Variants in DNAH11 observed in about 807,000 individuals in gnomAD.
DNAH11 encodes axonemal beta dynein heavy chain 11.
In DNAH11, 442 loss-of-function variants were observed where a neutral mutation model predicts 526.0. The ratio of observed to expected loss-of-function variants is 0.84; its 90% CI spans 0.78 to 0.91. The LOEUF (loss-of-function observed/expected upper bound fraction) is 0.91, where lower values mean the gene tolerates loss of function less well. DNAH11 is among the 40% of genes least tolerant of loss of function. The probability of loss-of-function intolerance (pLI) is 0.00; values close to 1 mark genes in which losing one functional copy is unlikely to be tolerated. For synonymous variants in DNAH11, 2,461 were observed against 1,935.9 expected, an observed-to-expected ratio of 1.27 and a Z score of -7.12; for missense variants, 6,989 against 5,448.7, an observed-to-expected ratio of 1.28 and a Z score of -8.90.
chr7:21,818,277 C>A lies in DNAH11; in HGVS notation c.10629C>A (p.Leu3543=). ...AFGDVILIEN[L]EETIDPVLDP... is the part of the protein sequence containing the mutation. The stretch of plus-strand genomic sequence containing the variant: ...GTGATGTCATCTTAATTGAAAATCT[C>A]GAGGAAACGATAGATCCAGTCCTGG... The change falls in exon 65 of 82, where the codon CTC becomes CTA. Residue 3543 remains leucine (L), a synonymous_variant. Transcript: ENST00000409508. 1 of 1,611,702 alleles carries A rather than the reference C, an allele frequency of 6.2e-7. No homozygotes were observed. The highest frequency in any genetic ancestry group is 2.2e-5 in the East Asian group (1 of 44,762).
chr7:21,800,813 A>G lies in DNAH11; in HGVS notation c.10027-324A>G, dbSNP rs7793755. Among the ~76,000 whole-genome samples the G allele has an allele frequency of 0.014, 2,143 of 152,256 alleles. 40 individuals are homozygous for G. Among genetic ancestry groups the G allele is most frequent in the African/African-American group, 0.049 (2,039 of 41,560 alleles). Reference sequence around the variant, plus strand: ...GAGGATGAGGCTTGGGTGCAAGAGCAGAGGGGGATGATAGTGCACCCACGG... The same window carrying G: ...GAGGATGAGGCTTGGGTGCAAGAGCGGAGGGGGATGATAGTGCACCCACGG... On this transcript the variant is annotated intron_variant, in intron 61 of 81. Transcript: ENST00000409508.
intron 14 of DNAH11, among the ~76,000 whole-genome samples, chr7:21,595,252 A>T (rs751610231): frequency 9.2e-4 from 140 of 152,318 alleles, no homozygotes; most frequent in Middle Eastern, 3.4e-3. Context: ...CAGTACTTTC[A>T]TTCATGAAGG....
chr7:21,651,364 A>T (rs919600757), intron 28 of DNAH11, among the ~76,000 whole-genome samples: 1 of 151,662 alleles, frequency 6.6e-6, no homozygotes, highest in East Asian at 1.9e-4. Flanking sequence ...TTTATTTTTT[A>T]TTTATTTATT....
intron 66 of DNAH11, among the ~76,000 whole-genome samples, chr7:21,852,234 G>A (rs554678481): frequency 2.5e-4 from 38 of 151,754 alleles, no homozygotes; most frequent in African/African-American, 4.6e-4. Flanking sequence ...GTGAAACCCC[G>A]TCTCTACTAA....
At chr7:21,592,901 G>A (rs938455831) in intron 14 of DNAH11, among the ~76,000 whole-genome samples, 4 of 152,122 alleles carry the variant, frequency 2.6e-5, no homozygotes, top group African/African-American at 7.2e-5. Flanking sequence ...AAGGAGGTTT[G>A]GTTTTGGACA....
intron 65 of DNAH11, among the ~76,000 whole-genome samples, chr7:21,819,981 G>A (rs1173435103): frequency 6.6e-6 from 1 of 152,176 alleles, no homozygotes; most frequent in African/African-American, 2.4e-5. Context: ...GTAACAAATG[G>A]TGCTGATTGC....
intron 14 of DNAH11, among the ~76,000 whole-genome samples, chr7:21,598,358 A>G (rs60223493): frequency 0.46 from 69,361 of 151,852 alleles, 16,743 homozygotes; most frequent in East Asian, 0.8. Context: ...CTGTGTCTCT[A>G]GGCAAGCACA....
At chr7:21,862,297 T>C (rs1339486846) in intron 69 of DNAH11, among the ~76,000 whole-genome samples, 3 of 151,912 alleles carry the variant, frequency 2.0e-5, no homozygotes, top group African/African-American at 7.3e-5. Context: ...AAAATATTCA[T>C]AAGACATTCT....
intron 5 of DNAH11, among the ~76,000 whole-genome samples, chr7:21,562,501 C>G (rs555579054): frequency 6.6e-5 from 10 of 152,058 alleles, no homozygotes; most frequent in Admixed American, 2.6e-4. Flanking sequence ...GCTACAGATT[C>G]TGCAGGAATG....
intron 68 of DNAH11, among the ~76,000 whole-genome samples, chr7:21,858,385 T>A (rs1395975491): frequency 6.6e-6 from 1 of 152,164 alleles, no homozygotes; most frequent in Admixed American, 6.5e-5. Flanking sequence ...TTACCTAAGA[T>A]AAATAAAAAT....
intron 54 of DNAH11, among the ~76,000 whole-genome samples, chr7:21,754,451 A>G (rs1786539603): frequency 6.6e-6 from 1 of 151,996 alleles, no homozygotes; most frequent in Non-Finnish European, 1.5e-5. Flanking sequence ...CCTTACTGAA[A>G]CTGAGATCAG....
chr7:21,675,220 G>A (rs1416584133), intron 30 of DNAH11, among the ~76,000 whole-genome samples: 1 of 152,162 alleles, frequency 6.6e-6, no homozygotes, highest in Non-Finnish European at 1.5e-5. Context: ...CTGCATGCTT[G>A]GGCACTTGCC....
chr7:21,822,747 T>C (rs918842000), intron 65 of DNAH11, among the ~76,000 whole-genome samples: 5 of 152,112 alleles, frequency 3.3e-5, no homozygotes, highest in South Asian at 2.1e-4. Context: ...AATGTACAGG[T>C]GTTCCCCTTT....
intron 9 of DNAH11, among the ~76,000 whole-genome samples, chr7:21,582,956 G>T (rs1367580801): frequency 6.6e-6 from 1 of 152,010 alleles, no homozygotes; most frequent in Non-Finnish European, 1.5e-5. Flanking sequence ...TTAACATAAA[G>T]AATTCACGAG....
chr7:21,814,521 C>G (rs1271955278), intron 63 of DNAH11, among the ~76,000 whole-genome samples: 1 of 121,502 alleles, frequency 8.2e-6, no homozygotes, highest in Non-Finnish European at 1.7e-5. Context: ...CCCCCTCCCC[C>G]CACCCCACCA....
chr7:21,738,108 G>A (rs879617434), intron 46 of DNAH11, among the ~76,000 whole-genome samples: 3 of 152,022 alleles, frequency 2.0e-5, no homozygotes, highest in Non-Finnish European at 4.4e-5. Flanking sequence ...TCTCAGACAC[G>A]CACTGTTCTG....
intron 25 of DNAH11, among the ~76,000 whole-genome samples, chr7:21,629,307 C>G (rs948121434): frequency 1.3e-5 from 2 of 152,042 alleles, no homozygotes; most frequent in East Asian, 1.9e-4. Flanking sequence ...TTTTTTGAAA[C>G]TTGTTTTGTG....
At chr7:21,727,095 G>A (rs184233901) in intron 45 of DNAH11, among the ~76,000 whole-genome samples, 6,353 of 150,432 alleles carry the variant, frequency 0.042, 371 homozygotes, top group African/African-American at 0.13. Flanking sequence ...CACCACGCCC[G>A]GCTAATGTTT....
chr7:21,765,366 C>A, intron 54 of DNAH11, 62 bp from the exon 55 acceptor site: 1 of 1,606,098 alleles, frequency 6.2e-7, no homozygotes, highest in Non-Finnish European at 8.5e-7. Context: ...TCTAAGATTG[C>A]AATGTAATTC....
Sources: allele counts gnomAD v4.1 joint callset (sites outside exome capture counted in the v4.1 genomes callset), GRCh38; gene constraint gnomAD v4.1.1; transcripts MANE v1.5; gene names NCBI Gene and HGNC (gene_info 2026-07-23, HGNC 2026-07-21).